Variants in SPEG observed in about 807,000 individuals in gnomAD.
The protein encoded by SPEG is striated muscle enriched protein kinase.
A neutral mutation model predicts 300.4 loss-of-function variants in SPEG; 114 were observed. The observed-to-expected ratio is 0.38, with a 90% CI of 0.33 to 0.44. The LOEUF (loss-of-function observed/expected upper bound fraction) is 0.44. SPEG is among the 20% of genes least tolerant of loss of function. SPEG has a pLI of 1.00. For missense variants in SPEG, 4,201 were observed against 4,586.2 expected (o/e 0.92, Z 2.43); for synonymous variants, 1,964 against 2,018.9 (o/e 0.97, Z 0.73).
Position 219,464,571 on chromosome 2 carries a change from T to C in SPEG, c.2844T>C (p.Tyr948=). The C allele has an allele frequency of 1.9e-6, 3 of 1,614,258 alleles. No individual in the cohort carries two copies. Among genetic ancestry groups the C allele is most frequent in the Non-Finnish European group, 2.5e-6 (3 of 1,180,042 alleles). The change falls in exon 9 of 41, where the codon TAT becomes TAC. Residue 948 remains tyrosine, a synonymous_variant. Transcript: ENST00000312358. The surrounding 1 kb of genome is among the most constrained non-coding windows in gnomAD (Gnocchi z 4.5). ...GFYTCKAVNE[Y]GARQCEARLE... is the part of the protein sequence containing the mutation. ...ACACTTGCAAAGCGGTCAATGAGTA[T>C]GGTGCTCGGCAGTGCGAGGCCCGCT... is the stretch of plus-strand genomic sequence containing the variant.
chr2:219,472,428 G>C, intron 15 of SPEG, 97 bp downstream of exon 15: 1 of 1,037,460 alleles, frequency 9.6e-7, no homozygotes, highest in Admixed American at 2.0e-5. Flanking sequence ...GAAGCGGATG[G>C]GCAGGGGCAG....
chr2:219,454,705 C>A (rs1479450479), intron 6 of SPEG, among the ~76,000 whole-genome samples: 1 of 152,184 alleles, frequency 6.6e-6, no homozygotes, highest in Admixed American at 6.5e-5. Context: ...TAGCACTTGC[C>A]ATCTGCCTAG....
chr2:219,483,039 G>C, intron 29 of SPEG, 59 bp from the exon 30 acceptor site: 9 of 1,522,676 alleles, frequency 5.9e-6, no homozygotes, highest in South Asian at 4.9e-5. Flanking sequence ...AGGTGGGCCT[G>C]GGGGGGACAA....
Position 219,448,797 on chromosome 2 carries a change from G to T in SPEG, c.1639G>T (p.Ala547Ser). 1 of 1,405,912 alleles carries T rather than the reference G, an allele frequency of 7.1e-7. No individual in the cohort carries two copies. The allele number at this position is 1,405,912 out of a possible 1,614,324, so 87.1% of individuals were successfully genotyped here. A position where few individuals can be genotyped will look rare whatever the true frequency, so the allele number is the denominator to read the frequency against. Residue 547 changes from alanine to serine, a missense_variant, in exon 4 of 41, where the codon GCC (alanine) becomes TCC (serine). Around this residue, in one of 4 missense-constraint regions of SPEG, gnomAD observed 1,258 missense variants for 1,293.9 expected, o/e 0.97. Transcript: ENST00000312358. ...GCCCTCCACCCCCAAGACATCGCGG[G>T]CCGTGAGCCCCGCCGCCGCCCAGCC... is the stretch of plus-strand genomic sequence containing the variant. ...SRPSTPKTSRAVSPAAAQPPS... is the reference protein window; with the variant it reads ...SRPSTPKTSRSVSPAAAQPPS...
chr2:219,488,154 G>A, intron 31 of SPEG, 40 bp from the exon 32 acceptor site: 1 of 1,411,284 alleles, frequency 7.1e-7, no homozygotes, highest in Non-Finnish European at 1.0e-6. Flanking sequence ...AGTGGGCCAG[G>A]GTCCCTACAG....
chr2:219,448,010 C>G lies in SPEG; in HGVS notation c.852C>G (p.Pro284=), dbSNP rs780971155. ...AGAGCGGGTTGCGCAGGGAGGAGCC[C>G]GACCTTCAGCCTCAACTGGCCAGCG... ...VPQSGLRREE[P]DLQPQLASEA... The change falls in exon 4 of 41, where the codon CCC becomes CCG. Residue 284 remains proline, a synonymous_variant. Transcript: ENST00000312358. The G allele has an allele frequency of 1.9e-6, 3 of 1,612,482 alleles. No homozygotes were observed. The highest frequency in any genetic ancestry group is 4.5e-5 in the East Asian group (2 of 44,858).
Position 219,445,503 on chromosome 2 carries a change from C to A in SPEG, c.815+342C>A. ...CTCCAGTTGTCCCCAGGATCCCTCC[C>A]CCGACCCGGGGGCCCCCTTGGTGCC... is the stretch of plus-strand genomic sequence containing the variant. On this transcript the variant is annotated intron_variant, in intron 3 of 40. Coordinates refer to ENST00000312358, the MANE Select transcript of SPEG (RefSeq NM_005876.5). The surrounding 1 kb of genome is among the most constrained non-coding windows in gnomAD (Gnocchi z 6.1). 1 of 379,928 alleles carries A rather than the reference C, an allele frequency of 2.6e-6. No homozygotes were observed. Among genetic ancestry groups the A allele is most frequent in the South Asian group, 3.1e-5 (1 of 32,440 alleles). 23.5% of individuals were successfully genotyped at this position (379,928 alleles called of 1,614,324 possible).
intron 6 of SPEG, among the ~76,000 whole-genome samples, chr2:219,455,806 G>A (rs1424278790): frequency 1.3e-5 from 2 of 152,112 alleles, no homozygotes; most frequent in Non-Finnish European, 1.5e-5. Flanking sequence ...TTCCTTGCAT[G>A]CCTGATGTGA....
At position 219,458,736 on chromosome 2, in the gene SPEG, A is replaced by G. The variant is rs1224687536; in HGVS notation, c.2441-3146A>G. ...CTGTCCTCCTCCCATAAAGATCAGCAGTGGTCCCTAAGCTTTCATGTGCCT... is the reference window on the plus strand; with the variant it reads ...CTGTCCTCCTCCCATAAAGATCAGCGGTGGTCCCTAAGCTTTCATGTGCCT... On this transcript the variant is annotated intron_variant, in intron 6 of 40. Transcript: ENST00000312358. This position sits in a 1 kb window ranked among gnomAD's most constrained non-coding sequence, Gnocchi z 4.2. Among the ~76,000 whole-genome samples the G allele has an allele frequency of 1.3e-5, 2 of 152,222 alleles. No individual in the cohort carries two copies. Among genetic ancestry groups the G allele is most frequent in the Non-Finnish European group, 2.9e-5 (2 of 68,032 alleles).
chr2:219,471,447 T>C (rs551345297), intron 13 of SPEG, among the ~76,000 whole-genome samples: 20 of 152,136 alleles, frequency 1.3e-4, no homozygotes, highest in Non-Finnish European at 1.2e-4. Context: ...GCCTTGGGGA[T>C]GGAGAAGAAG....
intron 13 of SPEG, among the ~76,000 whole-genome samples, chr2:219,470,339 G>A (rs6724528): frequency 0.46 from 70,298 of 151,934 alleles, 16,795 homozygotes; most frequent in African/African-American, 0.57. Flanking sequence ...CACCCATGCT[G>A]CATCCTCCCT....
Position 219,488,890 on chromosome 2 carries a change from G to A in SPEG, c.8139G>A (p.Arg2713=), listed in dbSNP as rs771739223. Residue 2713 remains arginine (R), a synonymous_variant, in exon 34 of 41, where the codon CGG becomes CGA. Coordinates refer to ENST00000312358, the MANE Select transcript of SPEG (RefSeq NM_005876.5). ...SRAPCTYTLE[R]RVDGESVWHP... is the part of the protein sequence containing the mutation. Reference sequence around the variant, plus strand: ...CACCTTGCACGTATACGCTGGAGCGGCGAGTGGATGGTGAGGATGGGGCAG... The same window carrying A: ...CACCTTGCACGTATACGCTGGAGCGACGAGTGGATGGTGAGGATGGGGCAG... 4 of 1,583,944 alleles carry A rather than the reference G, an allele frequency of 2.5e-6. No individual in the cohort carries two copies. The highest frequency in any genetic ancestry group is 1.3e-5 in the African/African-American group (1 of 74,346).
At chr2:219,457,293 C>G (rs187028182) in intron 6 of SPEG, among the ~76,000 whole-genome samples, 1 of 152,070 alleles carries the variant, frequency 6.6e-6, no homozygotes, top group Non-Finnish European at 1.5e-5. Flanking sequence ...GAGGAAAAAC[C>G]GTTTATGGAC....
At chr2:219,441,691 G>T (rs4674398) in intron 1 of SPEG, 380,080 of 417,564 alleles carry the variant, frequency 0.91, 174,399 homozygotes, top group East Asian at 0.96. Context: ...CATGTGCCTA[G>T]GGCTCCGGAG....
chr2:219,472,401 A>T, intron 15 of SPEG, 70 bp downstream of exon 15: 1 of 1,373,988 alleles, frequency 7.3e-7, no homozygotes, highest in Non-Finnish European at 1.0e-6. Flanking sequence ...GCAGGACACC[A>T]TGGGGGCCAG....
Position 219,479,044 on chromosome 2 carries a change from A to G in SPEG, c.5028-100A>G, listed in dbSNP as rs1191977021. 1 of 1,015,262 alleles carries G rather than the reference A, an allele frequency of 9.8e-7. No individual in the cohort carries two copies. Among genetic ancestry groups the G allele is most frequent in the Admixed American group, 1.8e-5 (1 of 54,522 alleles). The allele number at this position is 1,015,262 out of a possible 1,614,324, so 62.9% of individuals were successfully genotyped here. The stretch of plus-strand genomic sequence containing the variant: ...TCTGGCTAGTATCAAGCATTCTGTA[A>G]GGGGAAGGAGAACCCCGTGCTGAGC... On this transcript the variant is annotated intron_variant, in intron 22 of 40. Coordinates refer to ENST00000312358, the MANE Select transcript of SPEG (RefSeq NM_005876.5). This position sits in a 1 kb window ranked among gnomAD's most constrained non-coding sequence, Gnocchi z 5.5.
chr2:219,449,366 G>A, intron 4 of SPEG, 95 bp downstream of exon 4: 1 of 1,023,096 alleles, frequency 9.8e-7, no homozygotes. Flanking sequence ...GGGGGTCGGG[G>A]GTTTCGCCTG....
Position 219,493,005 on chromosome 2 carries a change from G to A in SPEG, c.*219G>A, listed in dbSNP as rs1483373742. On this transcript the variant is annotated 3_prime_UTR_variant, in exon 41 of 41. Coordinates refer to ENST00000312358, the MANE Select transcript of SPEG (RefSeq NM_005876.5). ...CAAAGCCAGAGTGGGAGACCCATTGGTCAGGCTCAGCAGGGTGGGAACAGG... is the reference window on the plus strand; with the variant it reads ...CAAAGCCAGAGTGGGAGACCCATTGATCAGGCTCAGCAGGGTGGGAACAGG... The A allele has an allele frequency of 2.8e-6, 2 of 703,932 alleles. No homozygotes were observed. The highest frequency in any genetic ancestry group is 3.5e-5 in the African/African-American group (2 of 57,264). 43.6% of individuals were successfully genotyped at this position (703,932 alleles called of 1,614,324 possible).
chr2:219,479,747 C>A lies in SPEG; in HGVS notation c.5086-36C>A, dbSNP rs1255659790. The A allele has an allele frequency of 6.2e-7, 1 of 1,604,714 alleles. No individual in the cohort carries two copies. The highest frequency in any genetic ancestry group is 2.2e-5 in the East Asian group (1 of 44,840). On this transcript the variant is annotated intron_variant, in intron 23 of 40. Coordinates refer to ENST00000312358, the MANE Select transcript of SPEG (RefSeq NM_005876.5). This position sits in a 1 kb window ranked among gnomAD's most constrained non-coding sequence, Gnocchi z 5.5. ...TGGAGGTGTTCAGACATACACCACC[C>A]TTCCCCCTCAGACTCTGGGCCCACT... is the stretch of plus-strand genomic sequence containing the variant.
Sources: gnomAD v4.1 joint callset for allele counts (sites outside exome capture counted in the v4.1 genomes callset) on GRCh38, gnomAD v4.1.1 for gene constraint, gnomAD v4.1.1 regional missense constraint, Gnocchi (gnomAD v3.1) non-coding constraint, MANE v1.5 for transcripts, NCBI Gene and HGNC (gene_info 2026-07-23, HGNC 2026-07-21) for gene names.